ZNF558: variants seen among roughly 807,000 people sequenced by gnomAD.
ZNF558 encodes the protein zinc finger protein 558.
A neutral mutation model predicts 37.6 loss-of-function variants in ZNF558; 23 were observed. The observed-to-expected ratio is 0.61, with a 90% CI of 0.44 to 0.87. The LOEUF is 0.87. ZNF558 is among the 40% of genes least tolerant of loss of function. The pLI is 0.00. For missense variants in ZNF558, 429 were observed against 483.7 expected, an observed-to-expected ratio of 0.89 and a Z score of 1.06; for synonymous variants, 189 against 174.4, an observed-to-expected ratio of 1.08 and a Z score of -0.66.
rs2043747834 is a variant in ZNF558, at chr19:8,810,078, C to T, written c.*1203G>A. 6.6e-6 allele frequency: 1 copy of T among 152,176 alleles called. No homozygotes were observed. Among genetic ancestry groups the T allele is most frequent in the Non-Finnish European group, 1.5e-5 (1 of 68,028 alleles). 9.4% of individuals were successfully genotyped at this position (152,176 alleles called of 1,614,324 possible). On this transcript the variant is annotated 3_prime_UTR_variant, in exon 10 of 10. Coordinates refer to ENST00000601372, the MANE Select transcript of ZNF558 (RefSeq NM_144693.3). ...CCTAACACAGAGGCATCACTGAAGG[C>T]TTTCTCTTCTTCTTTATATTTCAAG...
chr19:8,837,147 T>C (rs2044464005), upstream of ZNF558, among the ~76,000 whole-genome samples: 1 of 152,228 alleles, frequency 6.6e-6, no homozygotes, highest in South Asian at 2.1e-4. Flanking sequence ...GCAGCATTGA[T>C]AAGTACCAGT....
Position 8,811,830 on chromosome 19 carries a change from G to A in ZNF558, c.660C>T (p.Pro220=), listed in dbSNP as rs376668637. 11 of 1,613,998 alleles carry A rather than the reference G, an allele frequency of 6.8e-6. No homozygotes were observed. Among genetic ancestry groups the A allele is most frequent in the Non-Finnish European group, 9.3e-6 (11 of 1,180,026 alleles). ...TTCTCAAATGCAGTCTAAGGGATGA[G>A]GGATCACTAAATGCTTTCCCACAGT... The part of the protein sequence containing the change: ...CNHCGKAFSD[P]SSLRLHLRIH... The change falls in exon 10 of 10, where the codon CCC becomes CCT. Residue 220 remains proline, a synonymous_variant. Transcript: ENST00000601372.
chr19:8,821,914 G>A, intron 6 of ZNF558, 89 bp downstream of exon 6: 1 of 1,571,036 alleles, frequency 6.4e-7, no homozygotes, highest in Non-Finnish European at 8.7e-7. Context: ...GACCTGGTTT[G>A]GCCATGAGGC....
intron 7 of ZNF558, among the ~76,000 whole-genome samples, chr19:8,820,958 G>A (rs1013509537): frequency 7.2e-5 from 11 of 152,136 alleles, no homozygotes; most frequent in East Asian, 3.8e-4. Flanking sequence ...TCATAGGGAC[G>A]GGGTTTCCTT....
intron 7 of ZNF558, 143 bp from the exon 8 acceptor site, chr19:8,813,365 T>C (rs535304409): frequency 4.7e-5 from 31 of 653,960 alleles, no homozygotes; most frequent in Non-Finnish European, 7.3e-5. Context: ...TTTTCTTTTT[T>C]TTATTTATTT....
rs1356680422 is a variant in ZNF558, at chr19:8,825,072, C to T, written c.-472G>A. 2 of 152,268 alleles carry T rather than the reference C, an allele frequency of 1.3e-5. No homozygotes were observed. Among genetic ancestry groups the T allele is most frequent in the African/African-American group, 2.4e-5 (1 of 41,460 alleles). 9.4% of individuals were successfully genotyped at this position (152,268 alleles called of 1,614,324 possible). On this transcript the variant is annotated 5_prime_UTR_variant, in exon 3 of 10. Transcript: ENST00000601372. ...GCAGGTCAACAGAGACACAGTGGCC[C>T]ACACTCTTCATTCTCACACACTGCT...
At chr19:8,821,656 G>A (rs1231962848) in intron 6 of ZNF558, 7 of 1,310,148 alleles carry the variant, frequency 5.3e-6, no homozygotes, top group Admixed American at 3.5e-5. Context: ...TCATGGGCCC[G>A]TGACATGGCA....
chr19:8,821,363 G>A lies in ZNF558; in HGVS notation c.121-57C>T. On this transcript the variant is annotated intron_variant, in intron 6 of 9. Coordinates refer to ENST00000601372, the MANE Select transcript of ZNF558 (RefSeq NM_144693.3). ...AGGACCACCCCCACCAACGTGCACAGGAAGAGGGGCCAGGAGAACAGAGCC... is the reference window on the plus strand; with the variant it reads ...AGGACCACCCCCACCAACGTGCACAAGAAGAGGGGCCAGGAGAACAGAGCC... The A allele has an allele frequency of 1.9e-6, 3 of 1,614,006 alleles. No homozygotes were observed. In the South Asian group the frequency reaches 3.3e-5, roughly 18 times the overall value.
intron 9 of ZNF558, 72 bp from the exon 10 acceptor site, chr19:8,812,135 TCTCTC>T (rs2043810268): frequency 1.5e-6 from 2 of 1,291,296 alleles, no homozygotes; most frequent in Admixed American, 6.4e-5. Flanking sequence ...CTAGGAATCT[TCTCTC>T]CCAGGAATTC....
Position 8,811,027 on chromosome 19 carries a change from G to A in ZNF558, c.*254C>T, listed in dbSNP as rs1433705765. The A allele has an allele frequency of 2.5e-6, 1 of 406,678 alleles. No individual in the cohort carries two copies. 25.2% of individuals were successfully genotyped at this position (406,678 alleles called of 1,614,324 possible). ...TCAGTAAAGATGTTAGATGACTATAGCTTTGGCTGACATCTTGATTGTAAG... is the reference window on the plus strand; with the variant it reads ...TCAGTAAAGATGTTAGATGACTATAACTTTGGCTGACATCTTGATTGTAAG... On this transcript the variant is annotated 3_prime_UTR_variant, in exon 10 of 10. Transcript: ENST00000601372.
intron 7 of ZNF558, among the ~76,000 whole-genome samples, chr19:8,817,931 A>G (rs1360178123): frequency 6.6e-6 from 1 of 152,208 alleles, no homozygotes; most frequent in Non-Finnish European, 1.5e-5. Context: ...ATAAAACAAC[A>G]TATTAGAAGA....
chr19:8,821,443 T>C (rs924586430), intron 6 of ZNF558, 137 bp from the exon 7 acceptor site: 3 of 1,538,636 alleles, frequency 1.9e-6, no homozygotes, highest in Non-Finnish European at 2.6e-6. Context: ...TGAGCTCACC[T>C]CCCAGGGTTC....
the ZNF558 span, among the ~76,000 whole-genome samples, chr19:8,837,962 GC>G: frequency 3.1e-3 from 472 of 152,082 alleles, 5 homozygotes; most frequent in African/African-American, 0.011. Context: ...AAGATCAGCA[GC>G]CCTGGCCAGG....
chr19:8,820,644 T>G lies in ZNF558; in HGVS notation c.247+536A>C, dbSNP rs142457518. ...ATAGGTGTGTGCCACCACGTCCGGC[T>G]AATTTGTATTTTTAGTGGAGATGGG... On this transcript the variant is annotated intron_variant, in intron 7 of 9. Coordinates refer to ENST00000601372, the MANE Select transcript of ZNF558 (RefSeq NM_144693.3). 6.1e-3 allele frequency among the ~76,000 whole-genome samples: 932 copies of G among 152,114 alleles called. 4 individuals are homozygous for G. The highest frequency in any genetic ancestry group is 0.014 in the Admixed American group (218 of 15,278).
Position 8,822,477 on chromosome 19 carries a change from C to A in ZNF558, c.31+152G>T, listed in dbSNP as rs1358803275. ...ACCCAAATGCCTAAGTCCCAAATCCCGAGAGCTGCCCGATCAGACACGGAG... is the reference window on the plus strand; with the variant it reads ...ACCCAAATGCCTAAGTCCCAAATCCAGAGAGCTGCCCGATCAGACACGGAG... On this transcript the variant is annotated intron_variant, in intron 5 of 9. Coordinates refer to ENST00000601372, the MANE Select transcript of ZNF558 (RefSeq NM_144693.3). The surrounding 1 kb of genome is among the most constrained non-coding windows in gnomAD (Gnocchi z 4.4). 8 of 1,086,164 alleles carry A rather than the reference C, an allele frequency of 7.4e-6. No individual in the cohort carries two copies. The highest frequency in any genetic ancestry group is 9.4e-6 in the Non-Finnish European group (7 of 748,606). 67.3% of individuals were successfully genotyped at this position (1,086,164 alleles called of 1,614,324 possible).
At chr19:8,823,401 C>T (rs2044147955) in intron 4 of ZNF558, among the ~76,000 whole-genome samples, 1 of 117,988 alleles carries the variant, frequency 8.5e-6, no homozygotes, top group Admixed American at 8.1e-5. Context: ...TCGGTCACCC[C>T]CATCCTGCCT....
chr19:8,827,644 G>A (rs1241467251), intron 2 of ZNF558, among the ~76,000 whole-genome samples: 1 of 133,908 alleles, frequency 7.5e-6, no homozygotes, highest in Non-Finnish European at 1.5e-5. Context: ...TGCAATCTCT[G>A]CTCACTGCAA....
rs533075452 is a variant in ZNF558, at chr19:8,813,339, A to G, written c.248-117T>C. On this transcript the variant is annotated intron_variant, in intron 7 of 9. Coordinates refer to ENST00000601372, the MANE Select transcript of ZNF558 (RefSeq NM_144693.3). ...GTGTGACTTTAGGAGCAGTGAAATAAATTATGCCTTAATTCTTTTCTTTTT... is the reference window on the plus strand; with the variant it reads ...GTGTGACTTTAGGAGCAGTGAAATAGATTATGCCTTAATTCTTTTCTTTTT... 66 of 744,672 alleles carry G rather than the reference A, an allele frequency of 8.9e-5. No individual in the cohort carries two copies. In the South Asian group the frequency reaches 1.1e-3, roughly 13 times the overall value. 46.1% of individuals were successfully genotyped at this position (744,672 alleles called of 1,614,324 possible).
chr19:8,832,792 T>C (rs1007871010), upstream of ZNF558, among the ~76,000 whole-genome samples: 5 of 150,474 alleles, frequency 3.3e-5, no homozygotes, highest in Non-Finnish European at 5.9e-5. Context: ...AGACCTCCAT[T>C]TCCGGGGCGG....
Sources: allele counts gnomAD v4.1 joint callset (sites outside exome capture counted in the v4.1 genomes callset), GRCh38; gene constraint gnomAD v4.1.1; non-coding constraint Gnocchi (gnomAD v3.1); transcripts MANE v1.5; gene names NCBI Gene and HGNC (gene_info 2026-07-23, HGNC 2026-07-21).